The following TRPC7 variants were observed in gnomAD, a reference collection of about 807,000 sequenced individuals.
The protein encoded by TRPC7 is transient receptor potential cation channel subfamily C member 7.
In TRPC7, 42 loss-of-function variants were observed where a neutral mutation model predicts 90.1. The observed-to-expected ratio is 0.47, with a 90% confidence interval of 0.36 to 0.60. The LOEUF is 0.60. TRPC7 is among the 20% of genes least tolerant of loss of function. The pLI is 0.00. For missense variants in TRPC7, 955 were observed against 1,112.3 expected, an observed-to-expected ratio of 0.86 and a Z score of 2.01; for synonymous variants, 451 against 436.3, an observed-to-expected ratio of 1.03 and a Z score of -0.42.
At chr5:136,335,415 G>C (rs1759623103) in intron 2 of TRPC7, among the ~76,000 whole-genome samples, 1 of 151,948 alleles carries the variant, frequency 6.6e-6, no homozygotes, top group Non-Finnish European at 1.5e-5. Flanking sequence ...CTTTGTCTCT[G>C]CCAATTAGTT....
intron 2 of TRPC7, among the ~76,000 whole-genome samples, chr5:136,322,729 G>A (rs921062283): frequency 5.3e-5 from 8 of 152,080 alleles, no homozygotes; most frequent in African/African-American, 1.9e-4. Flanking sequence ...TTCCCTAATG[G>A]CTAATAATGC....
chr5:136,222,687 C>G (rs1755498585), intron 10 of TRPC7, among the ~76,000 whole-genome samples: 1 of 152,196 alleles, frequency 6.6e-6, no homozygotes, highest in African/African-American at 2.4e-5. Context: ...TGGTGACTGT[C>G]AAACACAGGC....
At chr5:136,333,263 G>A (rs769125005) in intron 2 of TRPC7, among the ~76,000 whole-genome samples, 14 of 150,742 alleles carry the variant, frequency 9.3e-5, no homozygotes, top group Non-Finnish European at 1.5e-4. Flanking sequence ...AGTTGTTGCT[G>A]AGTCTGAAGG....
intron 3 of TRPC7, among the ~76,000 whole-genome samples, chr5:136,281,961 A>G (rs970665522): frequency 3.9e-5 from 6 of 152,164 alleles, no homozygotes; most frequent in African/African-American, 1.4e-4. Context: ...TCCACTTTCT[A>G]TGGCTCTAAA....
chr5:136,288,437 A>G (rs968832591), intron 3 of TRPC7, among the ~76,000 whole-genome samples: 4 of 151,262 alleles, frequency 2.6e-5, no homozygotes, highest in Admixed American at 1.3e-4. Flanking sequence ...ATAGAGTGTA[A>G]CAACATGGAG....
intron 3 of TRPC7, among the ~76,000 whole-genome samples, chr5:136,284,429 T>C (rs1388076840): frequency 6.6e-6 from 1 of 152,224 alleles, no homozygotes; most frequent in Admixed American, 6.5e-5. Flanking sequence ...TCCCAGAATG[T>C]TCATATTCTT....
intron 7 of TRPC7, among the ~76,000 whole-genome samples, chr5:136,239,389 G>A (rs1756085679): frequency 6.6e-6 from 1 of 152,190 alleles, no homozygotes; most frequent in South Asian, 2.1e-4. Context: ...AATCAGAGAT[G>A]CCCATATTTC....
Position 136,357,073 on chromosome 5 carries a change from C to G in TRPC7, c.315G>C (p.Arg105=), listed in dbSNP as rs761233269. The G allele has an allele frequency of 6.2e-7, 1 of 1,613,920 alleles. No individual in the cohort carries two copies. Among genetic ancestry groups the G allele is most frequent in the Non-Finnish European group, 8.5e-7 (1 of 1,179,932 alleles). ...ELLLKKENLA[R]VGDALLLAIS... ...TGGCCAGCAGCAGCGCGTCCCCCAC[C>G]CGTGCCAGGTTCTCCTTCTTCAGCA... Residue 105 remains arginine (R), a synonymous_variant, in exon 2 of 12, where the codon CGG becomes CGC. Transcript: ENST00000513104.
At chr5:136,324,531 T>TCTTTC (rs1366564490) in intron 2 of TRPC7, among the ~76,000 whole-genome samples, 4 of 152,198 alleles carry the variant, frequency 2.6e-5, no homozygotes, top group Non-Finnish European at 4.4e-5. Context: ...GAATTTCTTT[T>TCTTTC]CTTTCCTTTT....
intron 7 of TRPC7, among the ~76,000 whole-genome samples, chr5:136,236,687 T>C (rs1203154391): frequency 6.6e-6 from 1 of 152,154 alleles, no homozygotes; most frequent in Non-Finnish European, 1.5e-5. Context: ...CTGTCTCGGC[T>C]GGATAACAGG....
At chr5:136,304,222 C>T (rs540007965) in intron 3 of TRPC7, among the ~76,000 whole-genome samples, 1 of 150,332 alleles carries the variant, frequency 6.7e-6, no homozygotes, top group Non-Finnish European at 1.5e-5. Context: ...GATACCTCTA[C>T]TCCCTCCTTG....
At chr5:136,246,769 CAAT>C (rs1224338471) in intron 7 of TRPC7, among the ~76,000 whole-genome samples, 2 of 151,878 alleles carry the variant, frequency 1.3e-5, no homozygotes, top group African/African-American at 4.9e-5. Context: ...CAGGCTAAGA[CAAT>C]AATAACAGTA....
chr5:136,315,574 C>T (rs371940110), intron 3 of TRPC7, 23 bp downstream of exon 3: 4 of 1,611,866 alleles, frequency 2.5e-6, no homozygotes, highest in South Asian at 1.1e-5. Flanking sequence ...GATGGGAAGA[C>T]CAGGAGAGAT....
At chr5:136,309,852 C>T (rs750140955) in intron 3 of TRPC7, among the ~76,000 whole-genome samples, 28 of 152,170 alleles carry the variant, frequency 1.8e-4, no homozygotes, top group Non-Finnish European at 8.8e-5. Context: ...TGGCTAATAT[C>T]CTGTCCCTTT....
intron 2 of TRPC7, among the ~76,000 whole-genome samples, chr5:136,316,529 C>T (rs565198264): frequency 8.3e-4 from 127 of 152,224 alleles, no homozygotes; most frequent in African/African-American, 2.9e-3. Context: ...ATTTTTAGCC[C>T]TTGACCTTGT....
rs936765022 is a variant in TRPC7, at chr5:136,216,051, C to A, written c.2419+149G>T. On this transcript the variant is annotated intron_variant, in intron 11 of 11. Transcript: ENST00000513104. Reference sequence around the variant, plus strand: ...GCAGCCCCGTGGAAATGCACTCTGCCGACAACTGAATGAGCAAGGAGACTG... The same window carrying A: ...GCAGCCCCGTGGAAATGCACTCTGCAGACAACTGAATGAGCAAGGAGACTG... The A allele has an allele frequency of 1.2e-5, 8 of 674,034 alleles. No homozygotes were observed. The Admixed American group carries it at 2.0e-4, about 17-fold the overall frequency. The allele number at this position is 674,034 out of a possible 1,614,324, so 41.8% of individuals were successfully genotyped here. A position where few individuals can be genotyped will look rare whatever the true frequency, so the allele number is the denominator to read the frequency against.
intron 3 of TRPC7, among the ~76,000 whole-genome samples, chr5:136,288,484 C>T (rs886239506): frequency 1.3e-5 from 2 of 150,942 alleles, no homozygotes; most frequent in Non-Finnish European, 2.9e-5. Flanking sequence ...ATGATACACA[C>T]CTGGTCCCCT....
intron 2 of TRPC7, among the ~76,000 whole-genome samples, chr5:136,351,479 T>C (rs574997249): frequency 7.2e-5 from 11 of 152,342 alleles, no homozygotes; most frequent in African/African-American, 2.6e-4. Context: ...AATTCTAAAA[T>C]GATTGAAAGT....
chr5:136,335,596 A>G (rs1759628430), intron 2 of TRPC7, among the ~76,000 whole-genome samples: 1 of 151,988 alleles, frequency 6.6e-6, no homozygotes, highest in South Asian at 2.1e-4. Context: ...CCAAACCATC[A>G]TTCCCTTCAT....
Sources: gnomAD v4.1 joint callset for allele counts (sites outside exome capture counted in the v4.1 genomes callset) on GRCh38, gnomAD v4.1.1 for gene constraint, MANE v1.5 for transcripts, NCBI Gene and HGNC (gene_info 2026-07-23, HGNC 2026-07-21) for gene names.